NME9: variants seen among roughly 807,000 people sequenced by gnomAD.
NME9 encodes thioredoxin domain-containing protein 6.
In NME9, 48 loss-of-function variants were observed where a neutral mutation model predicts 44.4. The ratio of observed to expected loss-of-function variants is 1.08; its 90% CI spans 0.86 to 1.37. NME9 has a LOEUF of 1.37. NME9 is among the 40% of genes most tolerant of loss of function. NME9 has a pLI of 0.00. For synonymous variants in NME9, 139 were observed against 147.1 expected (o/e 0.94, Z 0.40); for missense variants, 325 against 405.2 (o/e 0.80, Z 1.70).
chr3:138,316,811 C>T (rs1233136084), intron 4 of NME9, among the ~76,000 whole-genome samples: 1 of 152,156 alleles, frequency 6.6e-6, no homozygotes, highest in African/African-American at 2.4e-5. Context: ...GACGGCGTTT[C>T]ACCATGTTGG....
At chr3:138,268,270 A>G (rs769572795) in intron 8 of NME9, among the ~76,000 whole-genome samples, 1 of 152,142 alleles carries the variant, frequency 6.6e-6, no homozygotes. Context: ...AAAAAACAAG[A>G]TGGAGGTTCA....
intron 8 of NME9, among the ~76,000 whole-genome samples, chr3:138,285,861 G>T (rs901532522): frequency 2.0e-5 from 3 of 152,104 alleles, no homozygotes; most frequent in African/African-American, 7.2e-5. Context: ...AATCCACACT[G>T]TATCCATAAT....
intron 8 of NME9, among the ~76,000 whole-genome samples, chr3:138,273,321 C>T (rs2048958754): frequency 6.6e-6 from 1 of 152,198 alleles, no homozygotes; most frequent in African/African-American, 2.4e-5. Context: ...CCCCTATTCT[C>T]CACTCCTACA....
chr3:138,295,388 TC>T (rs1441316474), intron 8 of NME9, among the ~76,000 whole-genome samples: 10 of 152,208 alleles, frequency 6.6e-5, no homozygotes, highest in African/African-American at 2.4e-4. Context: ...CTTGGCCCCT[TC>T]CATGCACCTT....
At chr3:138,300,079 G>C (rs546845032), downstream of NME9, among the ~76,000 whole-genome samples, 3 of 152,300 alleles carry the variant, frequency 2.0e-5, no homozygotes, top group South Asian at 6.2e-4. Context: ...ATGGTGGGCT[G>C]TGAGTCTGGG....
chr3:138,276,058 G>A (rs950959634), intron 8 of NME9, among the ~76,000 whole-genome samples: 1 of 152,174 alleles, frequency 6.6e-6, no homozygotes, highest in Non-Finnish European at 1.5e-5. Flanking sequence ...AACTTGAAAA[G>A]CGAAGCAAGA....
At chr3:138,274,233 ATGTGTGTGTG>A (rs142329302) in intron 8 of NME9, among the ~76,000 whole-genome samples, 2 of 142,268 alleles carry the variant, frequency 1.4e-5, no homozygotes, top group African/African-American at 2.8e-5. Context: ...GTGTATATAC[ATGTGTGTGTG>A]TGTGTGTGTG....
intron 8 of NME9, among the ~76,000 whole-genome samples, chr3:138,278,374 C>T (rs182350073): frequency 6.6e-6 from 1 of 151,904 alleles, no homozygotes; most frequent in East Asian, 1.9e-4. Flanking sequence ...GGTATGGTCA[C>T]GCACCTGTAG....
At chr3:138,312,411 A>G (rs1431586170) in intron 6 of NME9, among the ~76,000 whole-genome samples, 1 of 152,144 alleles carries the variant, frequency 6.6e-6, no homozygotes, top group African/African-American at 2.4e-5. Context: ...ATACTAGCAT[A>G]AAAACAGACA....
chr3:138,309,464 C>A (rs2052535715), intron 6 of NME9, among the ~76,000 whole-genome samples: 1 of 152,176 alleles, frequency 6.6e-6, no homozygotes, highest in Non-Finnish European at 1.5e-5. Context: ...GCAAGTGGAT[C>A]ACTCGAGGCT....
intron 8 of NME9, among the ~76,000 whole-genome samples, chr3:138,263,212 T>A (rs535305961): frequency 1.3e-5 from 2 of 152,278 alleles, no homozygotes; most frequent in South Asian, 4.1e-4. Flanking sequence ...GCTTCATGAT[T>A]ATAGTGATTA....
intron 4 of NME9, 66 bp from the exon 5 acceptor site, chr3:138,315,709 AGAGTGTCTAG>A: frequency 7.7e-7 from 1 of 1,303,046 alleles, no homozygotes; most frequent in South Asian, 1.3e-5. Flanking sequence ...AGAGATGGCA[AGAGTGTCTAG>A]GAGTGTCCCC....
At chr3:138,269,242 T>A (rs1403165515) in intron 8 of NME9, among the ~76,000 whole-genome samples, 1 of 152,208 alleles carries the variant, frequency 6.6e-6, no homozygotes, top group Non-Finnish European at 1.5e-5. Context: ...TACCCCTTTT[T>A]CTGGGTATAT....
At position 138,315,755 on chromosome 3, in the gene NME9, C is replaced by T. The variant is rs551575248; in HGVS notation, c.268-112G>A. The T allele has an allele frequency of 3.8e-6, 3 of 791,970 alleles. No homozygotes were observed. In the East Asian group the frequency reaches 8.0e-5, roughly 21 times the overall value. 49.1% of individuals were successfully genotyped at this position (791,970 alleles called of 1,614,324 possible). A position where few individuals can be genotyped will look rare whatever the true frequency, so the allele number is the denominator to read the frequency against. On this transcript the variant is annotated intron_variant, in intron 4 of 10. Transcript: ENST00000333911. ...AAGTTCAAGGTCCCTCAACCCCAGG[C>T]CTGTAGCAGCGTGCTCACTTCTGCT...
chr3:138,304,728 G>C, intron 9 of NME9, 145 bp downstream of exon 9: 1 of 798,628 alleles, frequency 1.3e-6, no homozygotes, highest in South Asian at 1.8e-5. Context: ...AAGATGTCAG[G>C]GTCTCCCCAA....
At chr3:138,290,216 G>T (rs138244799) in intron 8 of NME9, among the ~76,000 whole-genome samples, 67 of 152,326 alleles carry the variant, frequency 4.4e-4, no homozygotes, top group African/African-American at 1.6e-3. Flanking sequence ...TGTCCTGAAA[G>T]AAGTGGTGAA....
At chr3:138,262,620 T>A (rs1180326973) in intron 8 of NME9, 2 of 1,536,834 alleles carry the variant, frequency 1.3e-6, no homozygotes, top group African/African-American at 1.4e-5. Flanking sequence ...AAAATTTAGG[T>A]GCCTAGCCCT....
At chr3:138,295,383 C>T (rs912968895) in intron 8 of NME9, among the ~76,000 whole-genome samples, 4 of 152,190 alleles carry the variant, frequency 2.6e-5, no homozygotes, top group African/African-American at 7.2e-5. Context: ...GGGCTCTTGG[C>T]CCCTTCCATG....
chr3:138,301,817 A>G, intron 10 of NME9, 113 bp from the exon 11 acceptor site: 1 of 770,984 alleles, frequency 1.3e-6, no homozygotes, highest in Non-Finnish European at 2.1e-6. Flanking sequence ...CAGGAGGGTC[A>G]GCAAAGAAGT....
Sources: gnomAD v4.1 joint callset for allele counts (sites outside exome capture counted in the v4.1 genomes callset) on GRCh38, gnomAD v4.1.1 for gene constraint, MANE v1.5 for transcripts, NCBI Gene and HGNC (gene_info 2026-07-23, HGNC 2026-07-21) for gene names.